The following PDE3B variants were observed in gnomAD, a reference collection of about 807,000 sequenced individuals.
PDE3B encodes cGMP-inhibited 3',5'-cyclic phosphodiesterase 3B.
In PDE3B, 66 loss-of-function variants were observed where a neutral mutation model predicts 116.8. The observed-to-expected ratio is 0.56, with a 90% confidence interval of 0.46 to 0.69. PDE3B has a LOEUF of 0.69. Ranked by LOEUF, PDE3B falls within the 30% of genes least tolerant of loss-of-function variation. The pLI, the probability that PDE3B is intolerant of heterozygous loss-of-function variation, is 0.00. For missense variants in PDE3B, 1,384 were observed against 1,368.1 expected, an observed-to-expected ratio of 1.01 and a Z score of -0.18; for synonymous variants, 595 against 533.6, an observed-to-expected ratio of 1.12 and a Z score of -1.59.
At chr11:14,820,779 GA>G (rs940949879) in intron 7 of PDE3B, among the ~76,000 whole-genome samples, 2 of 152,254 alleles carry the variant, frequency 1.3e-5, no homozygotes, top group Non-Finnish European at 2.9e-5. Context: ...GATACAATGT[GA>G]AATCGGTAGT....
At chr11:14,839,128 G>A (rs1040031464) in intron 11 of PDE3B, among the ~76,000 whole-genome samples, 2 of 152,324 alleles carry the variant, frequency 1.3e-5, no homozygotes, top group Non-Finnish European at 2.9e-5. Context: ...GAATTTAGGT[G>A]ATAAAAGGAT....
chr11:14,708,186 G>T (rs966901114), intron 1 of PDE3B, among the ~76,000 whole-genome samples: 2 of 152,008 alleles, frequency 1.3e-5, no homozygotes, highest in African/African-American at 4.8e-5. Context: ...GGAGCTTGTT[G>T]TTAAAAAGAG....
At chr11:14,859,562 AAG>A (rs1308304023) in intron 13 of PDE3B, among the ~76,000 whole-genome samples, 12 of 152,334 alleles carry the variant, frequency 7.9e-5, no homozygotes, top group African/African-American at 9.6e-5. Context: ...AATGAGTTTA[AAG>A]AGAGATTTGA....
intron 1 of PDE3B, among the ~76,000 whole-genome samples, chr11:14,664,302 C>T (rs1854046963): frequency 6.6e-6 from 1 of 152,004 alleles, no homozygotes; most frequent in Non-Finnish European, 1.5e-5. Context: ...TAAATGCCCA[C>T]AAGAGAAAGT....
At chr11:14,660,734 C>T (rs540842695) in intron 1 of PDE3B, among the ~76,000 whole-genome samples, 4 of 152,170 alleles carry the variant, frequency 2.6e-5, no homozygotes, top group East Asian at 1.9e-4. Flanking sequence ...ATAGCTGCTT[C>T]GGGAGTGTGG....
chr11:14,674,605 CTT>C (rs1412243330), intron 1 of PDE3B: 1 of 305,036 alleles, frequency 3.3e-6, no homozygotes, highest in African/African-American at 2.2e-5. Context: ...CCAACTAAAA[CTT>C]TACTAACTTT....
chr11:14,830,194 A>G (rs1268993409), intron 7 of PDE3B, among the ~76,000 whole-genome samples: 1 of 152,308 alleles, frequency 6.6e-6, no homozygotes, highest in East Asian at 1.9e-4. Flanking sequence ...ACGTGAATGA[A>G]TGCTATTTAG....
At chr11:14,690,613 T>C (rs1742699674) in intron 1 of PDE3B, among the ~76,000 whole-genome samples, 1 of 145,838 alleles carries the variant, frequency 6.9e-6, no homozygotes, top group South Asian at 2.1e-4. Context: ...GTAATTTTGC[T>C]TCCTTTTTTT....
chr11:14,782,067 A>G (rs1156440819), intron 2 of PDE3B, among the ~76,000 whole-genome samples: 1 of 152,216 alleles, frequency 6.6e-6, no homozygotes. Flanking sequence ...GATGGCTTCA[A>G]AGAGAATAAA....
chr11:14,853,465 C>CGAAGTTTATGAGG (rs2133984582), intron 12 of PDE3B, among the ~76,000 whole-genome samples: 1 of 152,268 alleles, frequency 6.6e-6, no homozygotes, highest in Admixed American at 6.5e-5. Flanking sequence ...TTCTGTGCTT[C>CGAAGTTTATGAGG]CCAAAGTAAC....
intron 4 of PDE3B, among the ~76,000 whole-genome samples, chr11:14,790,322 A>G (rs1858343391): frequency 6.6e-6 from 1 of 151,590 alleles, no homozygotes; most frequent in African/African-American, 2.4e-5. Flanking sequence ...TGGCCTGAAC[A>G]TCATAGTCTT....
At chr11:14,721,360 G>C (rs1282884039) in intron 1 of PDE3B, among the ~76,000 whole-genome samples, 2 of 151,778 alleles carry the variant, frequency 1.3e-5, no homozygotes, top group Non-Finnish European at 2.9e-5. Context: ...GTGGAAGTCA[G>C]TGTGGCGATT....
chr11:14,792,366 A>G (rs1858414838), intron 4 of PDE3B, among the ~76,000 whole-genome samples: 1 of 152,054 alleles, frequency 6.6e-6, no homozygotes, highest in African/African-American at 2.4e-5. Flanking sequence ...TTATGTTTCA[A>G]AATAATTAAA....
intron 5 of PDE3B, among the ~76,000 whole-genome samples, chr11:14,811,977 T>C (rs1172967583): frequency 6.6e-6 from 1 of 152,072 alleles, no homozygotes; most frequent in Non-Finnish European, 1.5e-5. Flanking sequence ...CTTGTGATTT[T>C]TGTACATTGA....
At chr11:14,860,199 C>G (rs1277668038) in intron 13 of PDE3B, among the ~76,000 whole-genome samples, 5 of 152,066 alleles carry the variant, frequency 3.3e-5, no homozygotes, top group Non-Finnish European at 7.4e-5. Flanking sequence ...GCTTAAGTCA[C>G]CTTTTATAGG....
rs1353811113 is a variant in PDE3B at position 14,750,725 on chromosome 11, G to T, written c.979-21212G>T. 3.9e-5 allele frequency among the ~76,000 whole-genome samples: 6 copies of T among 152,270 alleles called. No individual in the cohort carries two copies. The South Asian group carries it at 1.0e-3, about 26-fold the overall frequency. On this transcript the variant is annotated intron_variant, in intron 1 of 15. Coordinates refer to ENST00000282096, the MANE Select transcript of PDE3B (RefSeq NM_000922.4). ...TACTAGACTGCAAAAGGGGTCCATT[G>T]TTCAAGAAGTGGTTAAGAACCTTTG... is the stretch of plus-strand genomic sequence containing the variant.
chr11:14,714,898 A>G (rs1855831046), intron 1 of PDE3B, among the ~76,000 whole-genome samples: 2 of 152,198 alleles, frequency 1.3e-5, no homozygotes, highest in African/African-American at 4.8e-5. Flanking sequence ...GGTGTTGAGA[A>G]GGGCTGACCA....
At chr11:14,667,173 C>G (rs1237342222) in intron 1 of PDE3B, among the ~76,000 whole-genome samples, 2 of 151,468 alleles carry the variant, frequency 1.3e-5, no homozygotes, top group African/African-American at 4.9e-5. Flanking sequence ...TCCCAGTAAA[C>G]TATCGCAAGG....
At chr11:14,821,998 C>G (rs542349043) in intron 7 of PDE3B, among the ~76,000 whole-genome samples, 3 of 151,908 alleles carry the variant, frequency 2.0e-5, no homozygotes, top group African/African-American at 7.2e-5. Flanking sequence ...CTTCCAACTC[C>G]TGGGCTCAAG....
Sources: gnomAD v4.1 joint callset for allele counts (sites outside exome capture counted in the v4.1 genomes callset) on GRCh38, gnomAD v4.1.1 for gene constraint, MANE v1.5 for transcripts, NCBI Gene and HGNC (gene_info 2026-07-23, HGNC 2026-07-21) for gene names.